The following TPPP3 variants were observed in gnomAD, a reference collection of about 807,000 sequenced individuals.
The protein encoded by TPPP3 is tubulin polymerization promoting protein family member 3.
TPPP3 carries 7 observed loss-of-function variants against 13.1 expected under a neutral mutation model. That is an observed-to-expected ratio of 0.54 (90% CI 0.30 to 1.01). The LOEUF is 1.01. TPPP3 is among the 50% of genes least tolerant of loss of function. The pLI is 0.06. For synonymous variants in TPPP3, 87 were observed against 93.7 expected, an observed-to-expected ratio of 0.93 and a Z score of 0.41; for missense variants, 185 against 235.0, an observed-to-expected ratio of 0.79 and a Z score of 1.39.
In TPPP3 at chr16:67,393,039, T is replaced by C; in HGVS notation, c.-7+341A>G. On this transcript the variant is annotated intron_variant, in intron 1 of 3. Coordinates refer to ENST00000393957, the MANE Select transcript of TPPP3 (RefSeq NM_015964.4). This position sits in a 1 kb window ranked among gnomAD's most constrained non-coding sequence, Gnocchi z 5.4. ...GGATCCTGCGTGCAGTGCTCACTCCTGTCCGTGGAAAGATGGATTCTTGGT... is the reference window on the plus strand; with the variant it reads ...GGATCCTGCGTGCAGTGCTCACTCCCGTCCGTGGAAAGATGGATTCTTGGT... 3 of 985,412 alleles carry C rather than the reference T, an allele frequency of 3.0e-6. No homozygotes were observed. Among genetic ancestry groups the C allele is most frequent in the Non-Finnish European group, 3.6e-6 (3 of 829,878 alleles). The allele number at this position is 985,412 out of a possible 1,614,324, so 61.0% of individuals were successfully genotyped here.
Position 67,391,176 on chromosome 16 carries a change from C to T in TPPP3, c.-6-59G>A. The T allele has an allele frequency of 1.3e-6, 2 of 1,535,202 alleles. No individual in the cohort carries two copies. The highest frequency in any genetic ancestry group is 1.8e-6 in the Non-Finnish European group (2 of 1,122,286). On this transcript the variant is annotated intron_variant, in intron 1 of 3. Transcript: ENST00000393957. This position sits in a 1 kb window ranked among gnomAD's most constrained non-coding sequence, Gnocchi z 6.3. ...ATCTGCCCTTCCCCTCCCCCAAGCC[C>T]AGAACATCCCAGCCTCTACCTCAAA...
rs968115961 is a variant in TPPP3 at position 67,393,022 on chromosome 16, C to T, written c.-7+358G>A. 3.0e-6 allele frequency: 3 copies of T among 985,370 alleles called. No homozygotes were observed. The highest frequency in any genetic ancestry group is 3.6e-6 in the Non-Finnish European group (3 of 829,980). 61.0% of individuals were successfully genotyped at this position (985,370 alleles called of 1,614,324 possible). On this transcript the variant is annotated intron_variant, in intron 1 of 3. Transcript: ENST00000393957. The surrounding 1 kb of genome is among the most constrained non-coding windows in gnomAD (Gnocchi z 5.4). Reference sequence around the variant, plus strand: ...TGGCCCAAGCACTGGGCGGATCCTGCGTGCAGTGCTCACTCCTGTCCGTGG... The same window carrying T: ...TGGCCCAAGCACTGGGCGGATCCTGTGTGCAGTGCTCACTCCTGTCCGTGG...
In TPPP3 at chr16:67,390,394, G is replaced by A. The variant is rs749106455; in HGVS notation, c.343-32C>T. 6.2e-7 allele frequency: 1 copy of A among 1,609,276 alleles called. No individual in the cohort carries two copies. The highest frequency in any genetic ancestry group is 8.5e-7 in the Non-Finnish European group (1 of 1,176,164). On this transcript the variant is annotated intron_variant, in intron 3 of 3. Coordinates refer to ENST00000393957, the MANE Select transcript of TPPP3 (RefSeq NM_015964.4). This position sits in a 1 kb window ranked among gnomAD's most constrained non-coding sequence, Gnocchi z 6.4. ...GGACAGAGTTTCCCCAGGGGCACCT[G>A]ATGAGGGAGCCCAGCCCTTCCCACC... is the stretch of plus-strand genomic sequence containing the variant.
In TPPP3 at chr16:67,390,683, A is replaced by G; in HGVS notation, c.189-51T>C. ...GGTTCCCCTTTCTTTTTTCTCCCCC[A>G]GGGGAAAGCTCAAACACATTTGCTG... On this transcript the variant is annotated intron_variant, in intron 2 of 3. Transcript: ENST00000393957. The surrounding 1 kb of genome is among the most constrained non-coding windows in gnomAD (Gnocchi z 6.4). 1 of 1,568,820 alleles carries G rather than the reference A, an allele frequency of 6.4e-7. No homozygotes were observed. Among genetic ancestry groups the G allele is most frequent in the Non-Finnish European group, 8.6e-7 (1 of 1,162,798 alleles).
At position 67,391,861 on chromosome 16, in the gene TPPP3, C is replaced by T. The variant is rs1360919920; in HGVS notation, c.-6-744G>A. The T allele has an allele frequency of 6.6e-6, 1 of 152,518 alleles. No homozygotes were observed. The allele number at this position is 152,518 out of a possible 1,614,324, so 9.4% of individuals were successfully genotyped here. On this transcript the variant is annotated intron_variant, in intron 1 of 3. Transcript: ENST00000393957. The surrounding 1 kb of genome is among the most constrained non-coding windows in gnomAD (Gnocchi z 6.3). ...GCTGGGCTGGGCTGGGAAGCTGGGG[C>T]CCACGGGTGGGGCACGCCAGCACTC...
chr16:67,393,025 G>A lies in TPPP3; in HGVS notation c.-7+355C>T. On this transcript the variant is annotated intron_variant, in intron 1 of 3. Coordinates refer to ENST00000393957, the MANE Select transcript of TPPP3 (RefSeq NM_015964.4). The surrounding 1 kb of genome is among the most constrained non-coding windows in gnomAD (Gnocchi z 5.4). ...CCCAAGCACTGGGCGGATCCTGCGT[G>A]CAGTGCTCACTCCTGTCCGTGGAAA... 2.0e-6 allele frequency: 2 copies of A among 985,464 alleles called. No homozygotes were observed. Among genetic ancestry groups the A allele is most frequent in the Non-Finnish European group, 2.4e-6 (2 of 829,934 alleles). 61.0% of individuals were successfully genotyped at this position (985,464 alleles called of 1,614,324 possible).
Position 67,390,458 on chromosome 16 carries a change from C to T in TPPP3, c.342+21G>A, listed in dbSNP as rs373781017. The T allele has an allele frequency of 1.1e-5, 17 of 1,612,182 alleles. No homozygotes were observed. The highest frequency in any genetic ancestry group is 9.3e-5 in the African/African-American group (7 of 74,902). On this transcript the variant is annotated intron_variant, in intron 3 of 3. Coordinates refer to ENST00000393957, the MANE Select transcript of TPPP3 (RefSeq NM_015964.4). The surrounding 1 kb of genome is among the most constrained non-coding windows in gnomAD (Gnocchi z 6.4). ...CCCCACACCCCATTCCGTGGCCACC[C>T]GAGACCAGCAGGGCACTTACAGTGA...
Position 67,392,303 on chromosome 16 carries a change from A to G in TPPP3, c.-7+1077T>C, listed in dbSNP as rs1028407731. On this transcript the variant is annotated intron_variant, in intron 1 of 3. Transcript: ENST00000393957. The surrounding 1 kb of genome is among the most constrained non-coding windows in gnomAD (Gnocchi z 4.9). ...CCAGTAATACCCACAGTCCAGCACT[A>G]AAGTGCCCCCCACACCCACAGCCCT... is the stretch of plus-strand genomic sequence containing the variant. 2.0e-5 allele frequency among the ~76,000 whole-genome samples: 3 copies of G among 151,454 alleles called. No homozygotes were observed. Among genetic ancestry groups the G allele is most frequent in the African/African-American group, 7.3e-5 (3 of 41,120 alleles).
In TPPP3 at chr16:67,393,266, T is replaced by TAGCC; in HGVS notation, c.-7+113_-7+114insGGCT. The TAGCC allele has an allele frequency of 1.1e-6, 1 of 936,602 alleles. No individual in the cohort carries two copies. Among genetic ancestry groups the TAGCC allele is most frequent in the Non-Finnish European group, 1.3e-6 (1 of 785,414 alleles). 58.0% of individuals were successfully genotyped at this position (936,602 alleles called of 1,614,324 possible). On this transcript the variant is annotated intron_variant, in intron 1 of 3. Coordinates refer to ENST00000393957, the MANE Select transcript of TPPP3 (RefSeq NM_015964.4). This position sits in a 1 kb window ranked among gnomAD's most constrained non-coding sequence, Gnocchi z 5.4. ...GCCAGGGCAGGGCCGCTCAGCTGGC[T>TAGCC]CCTCGGCTGGGACCGCCGGAGGTTG...
rs201316210 is a variant in TPPP3, at chr16:67,390,658, G to A, written c.189-26C>T. The stretch of plus-strand genomic sequence containing the variant: ...CTGACAGGCATGTGGGCACCATGAG[G>A]GTTCCCCTTTCTTTTTTCTCCCCCA... On this transcript the variant is annotated intron_variant, in intron 2 of 3. Coordinates refer to ENST00000393957, the MANE Select transcript of TPPP3 (RefSeq NM_015964.4). This position sits in a 1 kb window ranked among gnomAD's most constrained non-coding sequence, Gnocchi z 6.4. 73 of 1,586,910 alleles carry A rather than the reference G, an allele frequency of 4.6e-5. No individual in the cohort carries two copies. Among genetic ancestry groups the A allele is most frequent in the Admixed American group, 7.4e-5 (4 of 54,152 alleles).
chr16:67,389,868 G>A lies in TPPP3; in HGVS notation c.*306C>T. Reference sequence around the variant, plus strand: ...TAAAATTAGGCACTTGGCCAGAGCAGCAGCTTAAATATGAGGCAAGCAGTC... The same window carrying A: ...TAAAATTAGGCACTTGGCCAGAGCAACAGCTTAAATATGAGGCAAGCAGTC... On this transcript the variant is annotated 3_prime_UTR_variant, in exon 4 of 4. Transcript: ENST00000393957. 2.6e-6 allele frequency: 1 copy of A among 389,958 alleles called. No homozygotes were observed. Among genetic ancestry groups the A allele is most frequent in the Non-Finnish European group, 4.7e-6 (1 of 213,754 alleles). The allele number at this position is 389,958 out of a possible 1,614,324, so 24.2% of individuals were successfully genotyped here. A position where few individuals can be genotyped will look rare whatever the true frequency, so the allele number is the denominator to read the frequency against.
chr16:67,391,304 C>A lies in TPPP3; in HGVS notation c.-6-187G>T. On this transcript the variant is annotated intron_variant, in intron 1 of 3. Coordinates refer to ENST00000393957, the MANE Select transcript of TPPP3 (RefSeq NM_015964.4). This position sits in a 1 kb window ranked among gnomAD's most constrained non-coding sequence, Gnocchi z 6.3. ...TGGGCCACAGAGCCCCAAGGAAGAG[C>A]CCCGGGAGGCACGGTCTTGTCACTA... 3.3e-6 allele frequency: 2 copies of A among 615,350 alleles called. No homozygotes were observed. Among genetic ancestry groups the A allele is most frequent in the South Asian group, 4.0e-5 (2 of 49,916 alleles). 38.1% of individuals were successfully genotyped at this position (615,350 alleles called of 1,614,324 possible).
At position 67,390,349 on chromosome 16, in the gene TPPP3, CCT is replaced by C. The variant is rs771633144; in HGVS notation, c.354_355del (p.Gly120CysfsTer21). The C allele has an allele frequency of 6.6e-5, 107 of 1,613,816 alleles. No individual in the cohort carries two copies. The highest frequency in any genetic ancestry group is 4.3e-4 in the African/African-American group (32 of 75,044). ...GTCCGTCAGCCGGTCTACAGCACCC[CCT>C]GTTTTTGCTTTCTGTTTGGACAGAG... On this transcript the variant is annotated frameshift_variant, in exon 4 of 4. Transcript: ENST00000393957. LOFTEE classifies it high-confidence loss of function. The surrounding 1 kb of genome is among the most constrained non-coding windows in gnomAD (Gnocchi z 6.4).
Position 67,390,691 on chromosome 16 carries a change from G to A in TPPP3, c.189-59C>T. ...TTTCTTTTTTCTCCCCCAGGGGAAA[G>A]CTCAAACACATTTGCTGCCACCACA... On this transcript the variant is annotated intron_variant, in intron 2 of 3. Coordinates refer to ENST00000393957, the MANE Select transcript of TPPP3 (RefSeq NM_015964.4). This position sits in a 1 kb window ranked among gnomAD's most constrained non-coding sequence, Gnocchi z 6.4. The A allele has an allele frequency of 6.4e-7, 1 of 1,557,460 alleles. No homozygotes were observed. The highest frequency in any genetic ancestry group is 8.6e-7 in the Non-Finnish European group (1 of 1,157,910).
In TPPP3 at chr16:67,392,847, G is replaced by T. The variant is rs1209243071; in HGVS notation, c.-7+533C>A. The T allele has an allele frequency of 1.1e-5, 5 of 467,800 alleles. No individual in the cohort carries two copies. The highest frequency in any genetic ancestry group is 3.1e-4 in the East Asian group (2 of 6,470). 29.0% of individuals were successfully genotyped at this position (467,800 alleles called of 1,614,324 possible). The stretch of plus-strand genomic sequence containing the variant: ...GGCAGTTTCTGGGACTGTGAGCACC[G>T]GTGGTTCCTACGTTACAGGGACCAT... On this transcript the variant is annotated intron_variant, in intron 1 of 3. Coordinates refer to ENST00000393957, the MANE Select transcript of TPPP3 (RefSeq NM_015964.4). The surrounding 1 kb of genome is among the most constrained non-coding windows in gnomAD (Gnocchi z 4.9).
Position 67,393,197 on chromosome 16 carries a change from T to C in TPPP3, c.-7+183A>G. 1.6e-6 allele frequency: 1 copy of C among 643,248 alleles called. No individual in the cohort carries two copies. Among genetic ancestry groups the C allele is most frequent in the Non-Finnish European group, 1.9e-6 (1 of 517,546 alleles). The allele number at this position is 643,248 out of a possible 1,614,324, so 39.8% of individuals were successfully genotyped here. Reference sequence around the variant, plus strand: ...CCACTGGGACAGCTGGAGTCATCAATCAGCCGGACCAGGAGGTGGGGGCTG... The same window carrying C: ...CCACTGGGACAGCTGGAGTCATCAACCAGCCGGACCAGGAGGTGGGGGCTG... On this transcript the variant is annotated intron_variant, in intron 1 of 3. Coordinates refer to ENST00000393957, the MANE Select transcript of TPPP3 (RefSeq NM_015964.4). The surrounding 1 kb of genome is among the most constrained non-coding windows in gnomAD (Gnocchi z 5.4).
chr16:67,390,677 TC>T lies in TPPP3; in HGVS notation c.189-46del. The T allele has an allele frequency of 6.4e-7, 1 of 1,574,470 alleles. No homozygotes were observed. ...CATGAGGGTTCCCCTTTCTTTTTTC[TC>T]CCCCAGGGGAAAGCTCAAACACATT... On this transcript the variant is annotated intron_variant, in intron 2 of 3. Transcript: ENST00000393957. The surrounding 1 kb of genome is among the most constrained non-coding windows in gnomAD (Gnocchi z 6.4).
rs754384252 is a variant in TPPP3, at chr16:67,390,261, A to C, written c.444T>G (p.Ile148Met). The C allele has an allele frequency of 1.2e-6, 2 of 1,614,146 alleles. No individual in the cohort carries two copies. Among genetic ancestry groups the C allele is most frequent in the South Asian group, 1.1e-5 (1 of 91,078 alleles). Residue 148 changes from isoleucine (I) to methionine (M), a missense_variant, in exon 4 of 4, where the codon ATT (isoleucine) becomes ATG (methionine). Coordinates refer to ENST00000393957, the MANE Select transcript of TPPP3 (RefSeq NM_015964.4). This position sits in a 1 kb window ranked among gnomAD's most constrained non-coding sequence, Gnocchi z 6.4. ...RFDESGKGKG[I>M]AGRQDILDDS... The stretch of plus-strand genomic sequence containing the variant: ...CGTCCAGGATGTCCTGCCGTCCCGC[A>C]ATGCCCTTGCCCTTGCCGCTCTCAT...
Position 67,391,252 on chromosome 16 carries a change from G to C in TPPP3, c.-6-135C>G. ...TACAGAGTTGGTGCTGGAGCTGCCT[G>C]GGGAGAGGGGCCCGTCACTGTCGCC... On this transcript the variant is annotated intron_variant, in intron 1 of 3. Coordinates refer to ENST00000393957, the MANE Select transcript of TPPP3 (RefSeq NM_015964.4). The surrounding 1 kb of genome is among the most constrained non-coding windows in gnomAD (Gnocchi z 6.3). 1 of 902,414 alleles carries C rather than the reference G, an allele frequency of 1.1e-6. No homozygotes were observed. Among genetic ancestry groups the C allele is most frequent in the South Asian group, 1.7e-5 (1 of 58,188 alleles). The allele number at this position is 902,414 out of a possible 1,614,324, so 55.9% of individuals were successfully genotyped here. A position where few individuals can be genotyped will look rare whatever the true frequency, so the allele number is the denominator to read the frequency against.
Sources: allele counts gnomAD v4.1 joint callset (sites outside exome capture counted in the v4.1 genomes callset), GRCh38; gene constraint gnomAD v4.1.1; non-coding constraint Gnocchi (gnomAD v3.1); transcripts MANE v1.5; gene names NCBI Gene and HGNC (gene_info 2026-07-23, HGNC 2026-07-21).